Variants in RGL3 observed in about 807,000 individuals in gnomAD.
RGL3 encodes ral guanine nucleotide dissociation stimulator-like 3.
A neutral mutation model predicts 90.6 loss-of-function variants in RGL3; 85 were observed. The observed-to-expected ratio is 0.94, with a 90% CI of 0.79 to 1.12. The LOEUF is 1.12. Ranked by LOEUF, RGL3 falls within the 50% of genes most tolerant of loss-of-function variation. The pLI, the probability that RGL3 is intolerant of heterozygous loss-of-function variation, is 0.00. For missense variants in RGL3, 1,034 were observed against 939.2 expected (o/e 1.10, Z -1.32); for synonymous variants, 408 against 385.5 (o/e 1.06, Z -0.68).
intron 5 of RGL3, among the ~76,000 whole-genome samples, chr19:11,409,943 TA>T (rs1320369174): frequency 6.6e-6 from 1 of 151,840 alleles, no homozygotes; most frequent in African/African-American, 2.4e-5. Context: ...TATTTTATTT[TA>T]TTTTTTTATT....
intron 6 of RGL3, 33 bp from the exon 7 acceptor site, chr19:11,406,667 T>C: frequency 3.7e-6 from 6 of 1,600,110 alleles, no homozygotes; most frequent in Non-Finnish European, 5.1e-6. Flanking sequence ...GATTGGTGCT[T>C]AGCAGAACCT....
At chr19:11,411,604 A>G (rs1968876626) in intron 5 of RGL3, among the ~76,000 whole-genome samples, 1 of 152,182 alleles carries the variant, frequency 6.6e-6, no homozygotes, top group Admixed American at 6.5e-5. Context: ...GGGGATTTGA[A>G]TATTTGAATA....
At position 11,419,268 on chromosome 19, in the gene RGL3, G is replaced by C. The variant is rs1478277755; in HGVS notation, c.11C>G (p.Thr4Arg). The change falls in exon 1 of 19, where the codon ACA (threonine) becomes AGA (arginine). Residue 4 changes from threonine to arginine, a missense_variant. Thr to Arg is a moderately conservative substitution (Grantham distance 71). Coordinates refer to ENST00000380456, the MANE Select transcript of RGL3 (RefSeq NM_001035223.4). MER[T>R]AGKELALAPL... ...TACCAGGGCCAGCTCTTTGCCTGCT[G>C]TGCGCTCCATGGCCGGCGCCCGTCC... The C allele has an allele frequency of 6.3e-6, 10 of 1,589,562 alleles. No individual in the cohort carries two copies. The Admixed American group carries it at 1.7e-4, about 27-fold the overall frequency.
Position 11,397,332 on chromosome 19 carries a change from G to T in RGL3, c.1926C>A (p.Ser642Arg). The change falls in exon 18 of 19, where the codon AGC becomes AGA. Residue 642 changes from serine to arginine, a missense_variant. By Grantham distance (110) the Ser-to-Arg change is moderately radical. Transcript: ENST00000380456. ...GCTTCTGCAAGGCTCGCCGGACCAC[G>T]CTGGGGGCTTTGTCCTGACTGGTCA... ...ILLTSQDKAP[S>R]VVRRALQKHN... is the part of the protein sequence containing the mutation. 1 of 1,608,032 alleles carries T rather than the reference G, an allele frequency of 6.2e-7. No individual in the cohort carries two copies. The highest frequency in any genetic ancestry group is 1.1e-5 in the South Asian group (1 of 90,022).
At chr19:11,402,397 C>T in intron 11 of RGL3, 58 bp downstream of exon 11, 4 of 1,567,226 alleles carry the variant, frequency 2.6e-6, no homozygotes, top group South Asian at 2.3e-5. Context: ...TATTGGGAGG[C>T]CCATTGTGCT....
At chr19:11,399,020 T>C (rs1436831001) in intron 16 of RGL3, among the ~76,000 whole-genome samples, 1 of 152,094 alleles carries the variant, frequency 6.6e-6, no homozygotes, top group Non-Finnish European at 1.5e-5. Flanking sequence ...TAGAGTGCCG[T>C]GGCATGATCG....
intron 5 of RGL3, among the ~76,000 whole-genome samples, chr19:11,413,617 G>A (rs182292410): frequency 6.6e-6 from 1 of 151,206 alleles, no homozygotes; most frequent in African/African-American, 2.4e-5. Flanking sequence ...GGTTGATGCT[G>A]GAGGATTGCT....
intron 5 of RGL3, among the ~76,000 whole-genome samples, chr19:11,413,308 G>A (rs2144736229): frequency 6.6e-6 from 1 of 151,768 alleles, no homozygotes; most frequent in African/African-American, 2.4e-5. Context: ...GACCGAGGTG[G>A]GTGGATCACC....
At chr19:11,417,145 TC>T in intron 2 of RGL3, 86 bp from the exon 3 acceptor site, 33 of 855,348 alleles carry the variant, frequency 3.9e-5, no homozygotes, top group South Asian at 1.8e-4. Flanking sequence ...CTAGCACCAC[TC>T]TTTTTTTTTT....
chr19:11,411,872 C>T (rs572612962), intron 5 of RGL3, among the ~76,000 whole-genome samples: 1 of 152,302 alleles, frequency 6.6e-6, no homozygotes, highest in African/African-American at 2.4e-5. Flanking sequence ...GCCTTGGCCT[C>T]CCAAAATGCT....
At chr19:11,402,156 C>T in intron 12 of RGL3, 24 bp from the exon 13 acceptor site, 1 of 1,611,844 alleles carries the variant, frequency 6.2e-7, no homozygotes, top group Non-Finnish European at 8.5e-7. Context: ...CTCTAAGACC[C>T]TACCCCTGCC....
intron 16 of RGL3, 139 bp from the exon 17 acceptor site, chr19:11,397,736 C>T: frequency 1.1e-6 from 1 of 928,470 alleles, no homozygotes; most frequent in Non-Finnish European, 1.5e-6. Context: ...TGGCTGGGCG[C>T]AGTGGCTCAT....
intron 5 of RGL3, among the ~76,000 whole-genome samples, chr19:11,414,789 A>C (rs1374487352): frequency 1.3e-5 from 2 of 151,882 alleles, no homozygotes; most frequent in Admixed American, 1.3e-4. Flanking sequence ...CAAGAACAAC[A>C]GGTCCTCCTC....
chr19:11,412,751 G>C (rs1045055200), intron 5 of RGL3, among the ~76,000 whole-genome samples: 2 of 152,054 alleles, frequency 1.3e-5, no homozygotes, highest in Admixed American at 6.6e-5. Context: ...CGGATCACGA[G>C]ATCAGGAGAT....
rs751555965 is a variant in RGL3 at position 11,394,433 on chromosome 19, G to C, written c.2102C>G (p.Thr701Ser). 6.2e-7 allele frequency: 1 copy of C among 1,613,886 alleles called. No individual in the cohort carries two copies. Among genetic ancestry groups the C allele is most frequent in the Non-Finnish European group, 8.5e-7 (1 of 1,179,888 alleles). ...TGGGGAGACAGACAGAGTGTTCCGG[G>C]TCCCCTCTTTCCGCCGCAGCATGAA... ...RDFMLRRKEG[T>S]RNTLSVSPS Residue 701 changes from threonine to serine, a missense_variant, in exon 19 of 19, where the codon ACC becomes AGC. Coordinates refer to ENST00000380456, the MANE Select transcript of RGL3 (RefSeq NM_001035223.4).
chr19:11,396,165 T>A lies in RGL3; in HGVS notation c.2014+1079A>T, dbSNP rs1326479602. 9.0e-3 allele frequency among the ~76,000 whole-genome samples: 537 copies of A among 59,376 alleles called. 33 individuals carry two copies. The highest frequency in any genetic ancestry group is 0.054 in the African/African-American group (514 of 9,486). 39.0% of individuals were successfully genotyped at this position (59,376 alleles called of 152,430 possible). On this transcript the variant is annotated intron_variant, in intron 18 of 18. Transcript: ENST00000380456. ...ATATATATATATATATATATTTTTT[T>A]TTTTTTTTTTTTTTTTTTTTTGAGA... is the stretch of plus-strand genomic sequence containing the variant.
chr19:11,418,371 G>A (rs930607586), intron 2 of RGL3: 9 of 423,114 alleles, frequency 2.1e-5, no homozygotes, highest in African/African-American at 1.1e-4. Flanking sequence ...CCACCTTCCA[G>A]CCCCGGCCCT....
intron 5 of RGL3, among the ~76,000 whole-genome samples, chr19:11,410,001 C>T (rs893185692): frequency 2.0e-5 from 3 of 151,640 alleles, no homozygotes; most frequent in Non-Finnish European, 4.4e-5. Context: ...TGCAGTGGCT[C>T]GATCTCGGCT....
At chr19:11,400,392 G>A (rs1968653989) in intron 13 of RGL3, 95 bp from the exon 14 acceptor site, 9 of 1,080,642 alleles carry the variant, frequency 8.3e-6, no homozygotes, top group South Asian at 1.8e-5. Context: ...GGTTTGGGGT[G>A]TAAGGGGGAG....
Sources: gnomAD v4.1 joint callset for allele counts (sites outside exome capture counted in the v4.1 genomes callset) on GRCh38, gnomAD v4.1.1 for gene constraint, MANE v1.5 for transcripts, NCBI Gene and HGNC (gene_info 2026-07-23, HGNC 2026-07-21) for gene names.